Variants in WBP1L observed in about 807,000 individuals in gnomAD.
WBP1L encodes the protein WW domain binding protein 1 like, also known as WW domain binding protein 1-like.
Under a neutral mutation model 33.7 loss-of-function variants are expected in WBP1L, and 17 were observed. The ratio of observed to expected loss-of-function variants is 0.50; its 90% CI spans 0.34 to 0.76. The LOEUF is 0.76. WBP1L is among the 30% of genes least tolerant of loss of function. The probability of loss-of-function intolerance (pLI) is 0.01; values close to 1 mark genes in which losing one functional copy is unlikely to be tolerated. For missense variants in WBP1L, 389 were observed against 469.4 expected (o/e 0.83, Z 1.58); for synonymous variants, 173 against 190.8 (o/e 0.91, Z 0.77).
At chr10:102,761,125 T>TG in intron 1 of WBP1L, among the ~76,000 whole-genome samples, 1 of 87,990 alleles carries the variant, frequency 1.1e-5, no homozygotes, top group East Asian at 3.7e-4. Context: ...CAGGCTGTTT[T>TG]TTTTTTTTTT....
chr10:102,807,769 ATAT>A (rs1843757553), intron 2 of WBP1L, among the ~76,000 whole-genome samples: 1 of 151,938 alleles, frequency 6.6e-6, no homozygotes, highest in Admixed American at 6.6e-5. Context: ...GTCAAAAATA[ATAT>A]TATGTGAGTA....
chr10:102,799,324 T>TAA (rs547568367), intron 2 of WBP1L, among the ~76,000 whole-genome samples: 4 of 141,318 alleles, frequency 2.8e-5, no homozygotes, highest in East Asian at 4.1e-4. Flanking sequence ...AGGCTCCATC[T>TAA]AAAAAAAAAA....
rs1395629477 is a variant in WBP1L at position 102,816,211 on chromosome 10, C to T, written c.*2880C>T. ...TCCTGTGCTGTGATTGTTCTGAAGA[C>T]AGAGTGGCTCTAACCACTGTGAGAA... On this transcript the variant is annotated 3_prime_UTR_variant, in exon 4 of 4. Transcript: ENST00000448841. 3 of 152,636 alleles carry T rather than the reference C, an allele frequency of 2.0e-5. No homozygotes were observed. The highest frequency in any genetic ancestry group is 1.3e-4 in the Admixed American group (2 of 15,280). 9.5% of individuals were successfully genotyped at this position (152,636 alleles called of 1,614,324 possible).
At chr10:102,793,708 G>C (rs1843534248) in intron 1 of WBP1L, among the ~76,000 whole-genome samples, 1 of 152,028 alleles carries the variant, frequency 6.6e-6, no homozygotes, top group African/African-American at 2.4e-5. Context: ...AATTTAATTA[G>C]CCCAAGGTCA....
chr10:102,749,764 C>A (rs1842907326), intron 1 of WBP1L, among the ~76,000 whole-genome samples: 1 of 151,868 alleles, frequency 6.6e-6, no homozygotes, highest in South Asian at 2.1e-4. Context: ...TCCTGGCCCT[C>A]CATATTTATT....
At chr10:102,773,098 A>G (rs1019074977) in intron 1 of WBP1L, among the ~76,000 whole-genome samples, 2 of 152,146 alleles carry the variant, frequency 1.3e-5, no homozygotes, top group Admixed American at 1.3e-4. Flanking sequence ...GAAATTGTTA[A>G]TGATCATCTT....
intron 1 of WBP1L, among the ~76,000 whole-genome samples, chr10:102,772,054 G>A (rs1843193904): frequency 1.4e-5 from 2 of 142,860 alleles, no homozygotes; most frequent in East Asian, 2.3e-4. Context: ...TCTGCCTCCC[G>A]GGTTCACTCC....
At chr10:102,760,712 G>T (rs920799139) in intron 1 of WBP1L, among the ~76,000 whole-genome samples, 2 of 152,064 alleles carry the variant, frequency 1.3e-5, no homozygotes, top group Non-Finnish European at 2.9e-5. Context: ...CCCAGAGACT[G>T]CTCTGAGGCC....
At chr10:102,767,534 CAAAA>C (rs1554874134) in intron 1 of WBP1L, among the ~76,000 whole-genome samples, 2 of 151,426 alleles carry the variant, frequency 1.3e-5, no homozygotes, top group African/African-American at 4.9e-5. Flanking sequence ...CCCTGTCTCT[CAAAA>C]AAAATAAAAG....
chr10:102,788,600 T>C (rs1280132377), intron 1 of WBP1L, among the ~76,000 whole-genome samples: 4 of 152,208 alleles, frequency 2.6e-5, no homozygotes, highest in East Asian at 1.9e-4. Context: ...TGCTGTCTTA[T>C]TTAGCCATTT....
intron 1 of WBP1L, among the ~76,000 whole-genome samples, chr10:102,774,226 T>C (rs1590175947): frequency 6.6e-6 from 1 of 152,190 alleles, no homozygotes; most frequent in Admixed American, 6.5e-5. Context: ...AGCAGCCTCA[T>C]TGCTGTTCCC....
At position 102,751,927 on chromosome 10, in the gene WBP1L, A is replaced by C. The variant is rs1476129818; in HGVS notation, c.90+7784A>C. ...TATTCAATGATTAATAAGTATAATAATAATTATCACCATTATTGCTGTTGG... is the reference window on the plus strand; with the variant it reads ...TATTCAATGATTAATAAGTATAATACTAATTATCACCATTATTGCTGTTGG... On this transcript the variant is annotated intron_variant, in intron 1 of 3. Coordinates refer to ENST00000448841, the MANE Select transcript of WBP1L (RefSeq NM_001083913.2). Among the ~76,000 whole-genome samples, 4 of 152,236 alleles carry C rather than the reference A, an allele frequency of 2.6e-5. No individual in the cohort carries two copies. In the East Asian group the frequency reaches 7.7e-4, roughly 29 times the overall value.
intron 1 of WBP1L, among the ~76,000 whole-genome samples, chr10:102,777,628 GGCGTTA>G (rs1843283978): frequency 7.4e-6 from 1 of 134,760 alleles, no homozygotes; most frequent in South Asian, 2.5e-4. Flanking sequence ...GGAGTGTAGT[GGCGTTA>G]GCTCACTGCA....
At chr10:102,772,148 C>T (rs527663171) in intron 1 of WBP1L, among the ~76,000 whole-genome samples, 104 of 151,350 alleles carry the variant, frequency 6.9e-4, no homozygotes, top group Non-Finnish European at 1.3e-3. Context: ...TTAGTAGAGA[C>T]GGGGTTTCAC....
chr10:102,788,198 G>A (rs1175523510), intron 1 of WBP1L, among the ~76,000 whole-genome samples: 1 of 145,400 alleles, frequency 6.9e-6, no homozygotes, highest in Non-Finnish European at 1.5e-5. Context: ...GTGCGATCTC[G>A]GCTCACTGCA....
chr10:102,780,447 C>T (rs1404427880), intron 1 of WBP1L, among the ~76,000 whole-genome samples: 1 of 152,212 alleles, frequency 6.6e-6, no homozygotes, highest in Non-Finnish European at 1.5e-5. Context: ...AGTATTGCAA[C>T]AGAATGTTCT....
rs1590181684 is a variant in WBP1L at position 102,784,957 on chromosome 10, A to C, written c.91-13036A>C. 2.0e-5 allele frequency among the ~76,000 whole-genome samples: 3 copies of C among 149,644 alleles called. No homozygotes were observed. In the East Asian group the frequency reaches 6.0e-4, roughly 30 times the overall value. On this transcript the variant is annotated intron_variant, in intron 1 of 3. Coordinates refer to ENST00000448841, the MANE Select transcript of WBP1L (RefSeq NM_001083913.2). ...AATGGCACGATCTCAGGTCACTGCA[A>C]CCTCCGCCTCCAGGTTCAAGTGATT...
At chr10:102,756,910 CAG>C (rs1434973097) in intron 1 of WBP1L, among the ~76,000 whole-genome samples, 1 of 151,132 alleles carries the variant, frequency 6.6e-6, no homozygotes, top group African/African-American at 2.4e-5. Context: ...ATCTTTGAGA[CAG>C]AGTCTCGATC....
chr10:102,760,533 C>T (rs1369034431), intron 1 of WBP1L, among the ~76,000 whole-genome samples: 2 of 151,986 alleles, frequency 1.3e-5, no homozygotes, highest in East Asian at 1.9e-4. Context: ...TGCACCACCA[C>T]GCCCTGCTAA....
Sources: gnomAD v4.1 joint callset for allele counts (sites outside exome capture counted in the v4.1 genomes callset) on GRCh38, gnomAD v4.1.1 for gene constraint, MANE v1.5 for transcripts, NCBI Gene and HGNC (gene_info 2026-07-23, HGNC 2026-07-21) for gene names.